Variants in TMEM131 observed in about 807,000 individuals in gnomAD.
TMEM131 encodes 2610524E03Rik.
TMEM131 carries 66 observed loss-of-function variants against 211.6 expected under a neutral mutation model. The observed-to-expected ratio is 0.31, with a 90% CI of 0.26 to 0.38. The LOEUF (loss-of-function observed/expected upper bound fraction) is 0.38, where lower values mean the gene tolerates loss of function less well. Ranked by LOEUF, TMEM131 falls within the 10% of genes least tolerant of loss-of-function variation. The pLI, the probability that TMEM131 is intolerant of heterozygous loss-of-function variation, is 1.00. For synonymous variants in TMEM131, 844 were observed against 841.3 expected (o/e 1.00, Z -0.06); for missense variants, 2,036 against 2,299.3 (o/e 0.89, Z 2.34).
At chr2:97,968,788 G>A (rs1405316617) in intron 1 of TMEM131, among the ~76,000 whole-genome samples, 3 of 152,046 alleles carry the variant, frequency 2.0e-5, no homozygotes, top group Non-Finnish European at 4.4e-5. Flanking sequence ...CTTCCCATCA[G>A]AATAAGGATA....
At chr2:97,895,937 A>G (rs952644799) in intron 3 of TMEM131, among the ~76,000 whole-genome samples, 4 of 151,972 alleles carry the variant, frequency 2.6e-5, no homozygotes, top group African/African-American at 9.7e-5. Flanking sequence ...TTGCTTCTCT[A>G]GTTCTTTTAA....
chr2:97,856,646 G>A (rs2105165151), intron 5 of TMEM131, among the ~76,000 whole-genome samples: 1 of 152,282 alleles, frequency 6.6e-6, no homozygotes, highest in Middle Eastern at 3.4e-3. Context: ...TAAACATACA[G>A]AAAGATTTTG....
chr2:97,758,386 A>G (rs1678621693), intron 40 of TMEM131, among the ~76,000 whole-genome samples: 2 of 152,256 alleles, frequency 1.3e-5, no homozygotes, highest in South Asian at 4.1e-4. Context: ...TCTTTTCAGC[A>G]TGGTCTTTGC....
intron 1 of TMEM131, among the ~76,000 whole-genome samples, chr2:97,994,981 T>C (rs554467632): frequency 1.3e-5 from 2 of 152,218 alleles, no homozygotes; most frequent in Non-Finnish European, 2.9e-5. Context: ...AATAAAGTTA[T>C]CAATAACGCA....
At chr2:97,833,510 T>C in intron 10 of TMEM131, 84 bp from the exon 11 acceptor site, 1 of 651,236 alleles carries the variant, frequency 1.5e-6, no homozygotes, top group East Asian at 3.1e-5. Context: ...GATATCAAAT[T>C]GAAGCTATCA....
chr2:97,786,585 G>C (rs1252667807), intron 31 of TMEM131, among the ~76,000 whole-genome samples: 1 of 152,154 alleles, frequency 6.6e-6, no homozygotes, highest in African/African-American at 2.4e-5. Context: ...TCTGACTGTG[G>C]GGTACCTTGG....
intron 4 of TMEM131, among the ~76,000 whole-genome samples, chr2:97,873,145 G>A (rs993850742): frequency 1.3e-5 from 2 of 152,226 alleles, no homozygotes; most frequent in South Asian, 2.1e-4. Context: ...GGGGAAGTTC[G>A]AACTGGGCAG....
chr2:97,772,347 G>A lies in TMEM131; in HGVS notation c.4398C>T (p.Ser1466=). ...CTTTCTTAATATTTAAGAGTTTTTT[G>A]CTTTTTTGCTTCACTTGAGACATTT... is the stretch of plus-strand genomic sequence containing the variant. The part of the protein sequence containing the change: ...ESEMSQVKQK[S]KKLLNIKKEI... Residue 1466 remains serine (S), a synonymous_variant, in exon 33 of 41, where the codon AGC becomes AGT. Transcript: ENST00000186436. The A allele has an allele frequency of 6.3e-7, 1 of 1,596,638 alleles. No homozygotes were observed. Among genetic ancestry groups the A allele is most frequent in the Non-Finnish European group, 8.5e-7 (1 of 1,175,692 alleles).
chr2:97,896,311 C>G (rs1019075600), intron 3 of TMEM131, among the ~76,000 whole-genome samples: 4 of 151,968 alleles, frequency 2.6e-5, no homozygotes, highest in African/African-American at 2.4e-5. Context: ...TAAGTGTGAT[C>G]TGGTGCTGAG....
At chr2:97,948,920 G>A (rs1052817527) in intron 1 of TMEM131, among the ~76,000 whole-genome samples, 2 of 152,170 alleles carry the variant, frequency 1.3e-5, no homozygotes, top group African/African-American at 4.8e-5. Context: ...GCCTCCCAAA[G>A]TGCTGGGATT....
intron 32 of TMEM131, among the ~76,000 whole-genome samples, chr2:97,775,320 G>A (rs560259849): frequency 3.3e-4 from 50 of 152,222 alleles, no homozygotes; most frequent in African/African-American, 1.1e-3. Context: ...TCGTCCCTGG[G>A]GGCCACTAAA....
chr2:97,894,532 T>C (rs1171936632), intron 3 of TMEM131, among the ~76,000 whole-genome samples: 1 of 152,198 alleles, frequency 6.6e-6, no homozygotes, highest in African/African-American at 2.4e-5. Context: ...GTTTTTCCAT[T>C]TGTTTGTGTC....
intron 3 of TMEM131, among the ~76,000 whole-genome samples, chr2:97,901,819 T>A (rs1211615519): frequency 6.6e-6 from 1 of 151,948 alleles, no homozygotes; most frequent in East Asian, 1.9e-4. Flanking sequence ...TGAAGAGAGG[T>A]AGGCTACTGG....
At chr2:97,852,000 C>G (rs534847456) in intron 5 of TMEM131, among the ~76,000 whole-genome samples, 3 of 152,076 alleles carry the variant, frequency 2.0e-5, no homozygotes, top group Non-Finnish European at 4.4e-5. Flanking sequence ...GCCTTTAGTG[C>G]CAAACAGCCA....
rs1679347271 is a variant in TMEM131, at chr2:97,972,481, A to AGGGAAGGCGGGCAGGCAGGC, written c.187+22975_187+22994dup. Among the ~76,000 whole-genome samples the AGGGAAGGCGGGCAGGCAGGC allele has an allele frequency of 2.3e-4, 3 of 12,902 alleles. No homozygotes were observed. In the South Asian group the frequency reaches 6.9e-3, roughly 30 times the overall value. 8.5% of individuals were successfully genotyped at this position (12,902 alleles called of 152,430 possible). A position where few individuals can be genotyped will look rare whatever the true frequency, so the allele number is the denominator to read the frequency against. ...GAGGGAGGGAAGGCGGGCGGGAGGGAGGGAAGGCGGGCAGGCAGGCGGGCA... is the reference window on the plus strand; with the variant it reads ...GAGGGAGGGAAGGCGGGCGGGAGGGAGGGAAGGCGGGCAGGCAGGCGGGAAGGCGGGCAGGCAGGCGGGCA... On this transcript the variant is annotated intron_variant, in intron 1 of 40. Coordinates refer to ENST00000186436, the MANE Select transcript of TMEM131 (RefSeq NM_015348.2).
At chr2:97,887,517 T>C (rs912003286) in intron 4 of TMEM131, among the ~76,000 whole-genome samples, 14 of 152,148 alleles carry the variant, frequency 9.2e-5, no homozygotes, top group Non-Finnish European at 1.8e-4. Context: ...TATTAGCTGC[T>C]TAGAGGCCCG....
intron 31 of TMEM131, among the ~76,000 whole-genome samples, chr2:97,780,451 C>A (rs910463788): frequency 1.3e-5 from 2 of 152,046 alleles, no homozygotes; most frequent in Non-Finnish European, 2.9e-5. Flanking sequence ...CTCTCCCACC[C>A]CACTCCGTTT....
intron 1 of TMEM131, among the ~76,000 whole-genome samples, chr2:97,986,195 C>T (rs1261516593): frequency 6.6e-6 from 1 of 152,152 alleles, no homozygotes; most frequent in African/African-American, 2.4e-5. Flanking sequence ...AACGTGACAA[C>T]TTTATTGGTA....
At chr2:97,806,796 T>TA (rs1681323091) in intron 19 of TMEM131, among the ~76,000 whole-genome samples, 1 of 152,178 alleles carries the variant, frequency 6.6e-6, no homozygotes, top group African/African-American at 2.4e-5. Flanking sequence ...ATATTTGGAA[T>TA]AAAAAATACA....
Sources: allele counts gnomAD v4.1 joint callset (sites outside exome capture counted in the v4.1 genomes callset), GRCh38; gene constraint gnomAD v4.1.1; transcripts MANE v1.5; gene names NCBI Gene and HGNC (gene_info 2026-07-23, HGNC 2026-07-21).